Variants in COPG2 observed in about 807,000 individuals in gnomAD.
COPG2 encodes coat protein complex I subunit gamma 2.
In COPG2, 37 loss-of-function variants were observed where a neutral mutation model predicts 46.3. The observed-to-expected ratio is 0.80, with a 90% confidence interval of 0.61 to 1.05. COPG2 has a LOEUF of 1.05. COPG2 is among the 50% of genes least tolerant of loss of function. COPG2 has a pLI of 0.00. For missense variants in COPG2, 427 were observed against 387.8 expected (o/e 1.10, Z -0.85); for synonymous variants, 159 against 129.7 (o/e 1.23, Z -1.53).
intron 9 of COPG2, among the ~76,000 whole-genome samples, chr7:130,569,365 C>T (rs1057262144): frequency 5.9e-5 from 9 of 152,092 alleles, no homozygotes; most frequent in Admixed American, 1.3e-4. Context: ...AAAAAGGAAT[C>T]GGGAGATATT....
At chr7:130,621,710 CG>C (rs1245813385) in intron 5 of COPG2, among the ~76,000 whole-genome samples, 1 of 151,716 alleles carries the variant, frequency 6.6e-6, no homozygotes, top group Non-Finnish European at 1.5e-5. Context: ...TTTGGGAGGC[CG>C]AAGCGGGTGA....
At chr7:130,520,160 G>A (rs1799712851) in intron 20 of COPG2, among the ~76,000 whole-genome samples, 1 of 152,204 alleles carries the variant, frequency 6.6e-6, no homozygotes, top group Admixed American at 6.5e-5. Context: ...TATAGAGTCA[G>A]TGGGTAAATG....
At chr7:130,632,372 C>A (rs1368848684) in intron 5 of COPG2, among the ~76,000 whole-genome samples, 1 of 152,184 alleles carries the variant, frequency 6.6e-6, no homozygotes, top group Non-Finnish European at 1.5e-5. Flanking sequence ...GTGCTTTCAA[C>A]AGTTTTCCTC....
intron 12 of COPG2, among the ~76,000 whole-genome samples, chr7:130,556,223 T>A (rs1456922948): frequency 1.3e-5 from 2 of 152,190 alleles, no homozygotes; most frequent in African/African-American, 4.8e-5. Flanking sequence ...CATAAACATG[T>A]TTACTTTTTG....
intron 5 of COPG2, among the ~76,000 whole-genome samples, chr7:130,649,951 A>G (rs73724348): frequency 1.3e-5 from 2 of 152,222 alleles, no homozygotes; most frequent in African/African-American, 4.8e-5. Context: ...CAGTTATAAA[A>G]GTTAGAAGTC....
chr7:130,612,352 T>C (rs952008382), intron 7 of COPG2, 114 bp from the exon 8 acceptor site: 2 of 653,448 alleles, frequency 3.1e-6, no homozygotes, highest in South Asian at 2.1e-5. Context: ...AAGAAAACTA[T>C]GTAGCTCTTA....
intron 5 of COPG2, among the ~76,000 whole-genome samples, chr7:130,638,884 T>A (rs1554456802): frequency 6.6e-6 from 1 of 152,210 alleles, no homozygotes. Flanking sequence ...AATCTCCTGG[T>A]CTGCAGGTTT....
At chr7:130,637,807 G>C (rs369154595) in intron 5 of COPG2, among the ~76,000 whole-genome samples, 3 of 152,148 alleles carry the variant, frequency 2.0e-5, no homozygotes, top group Admixed American at 2.0e-4. Flanking sequence ...AGGCATTCTG[G>C]TTTTTGGAAT....
intron 6 of COPG2, among the ~76,000 whole-genome samples, 178 bp from the exon 7 acceptor site, chr7:130,613,814 C>T (rs1475065983): frequency 2.6e-5 from 4 of 152,062 alleles, no homozygotes; most frequent in Admixed American, 6.5e-5. Flanking sequence ...ACCCAAACAA[C>T]GAAGTTGAAG....
At chr7:130,606,577 A>G (rs1303560792) in intron 9 of COPG2, among the ~76,000 whole-genome samples, 1 of 152,242 alleles carries the variant, frequency 6.6e-6, no homozygotes, top group Non-Finnish European at 1.5e-5. Context: ...CAGAACTTGT[A>G]AACGATGAAG....
intron 6 of COPG2, among the ~76,000 whole-genome samples, chr7:130,614,264 C>G (rs1794907058): frequency 6.6e-6 from 1 of 152,120 alleles, no homozygotes; most frequent in Admixed American, 6.6e-5. Flanking sequence ...TTATTGCTAG[C>G]ACTAGCATGG....
intron 5 of COPG2, among the ~76,000 whole-genome samples, chr7:130,634,093 A>G (rs1795283840): frequency 6.6e-6 from 1 of 152,150 alleles, no homozygotes; most frequent in Admixed American, 6.5e-5. Context: ...CTGTTTTGAT[A>G]CCAGTATCAC....
chr7:130,571,821 AAAG>A (rs1430503940), intron 9 of COPG2, among the ~76,000 whole-genome samples: 2 of 150,800 alleles, frequency 1.3e-5, no homozygotes, highest in Non-Finnish European at 2.9e-5. Flanking sequence ...ATAAGTAAAT[AAAG>A]AAAATGCGCC....
intron 20 of COPG2, among the ~76,000 whole-genome samples, chr7:130,524,443 C>T (rs950665207): frequency 3.7e-4 from 57 of 152,244 alleles, no homozygotes; most frequent in Non-Finnish European, 4.7e-4. Context: ...ACTGCTGGGA[C>T]ATCAGGGGAT....
intron 4 of COPG2, among the ~76,000 whole-genome samples, chr7:130,658,896 G>C (rs1038593211): frequency 3.9e-5 from 6 of 151,952 alleles, no homozygotes; most frequent in Middle Eastern, 6.9e-3. Context: ...TGACCAGGCT[G>C]GTCTAAAACT....
At chr7:130,629,180 T>A (rs1443028341) in intron 5 of COPG2, among the ~76,000 whole-genome samples, 1 of 152,094 alleles carries the variant, frequency 6.6e-6, no homozygotes, top group African/African-American at 2.4e-5. Flanking sequence ...GTTTTGTCCT[T>A]TTTTGGGGGG....
At chr7:130,545,385 A>T (rs1793424185) in intron 20 of COPG2, among the ~76,000 whole-genome samples, 1 of 152,154 alleles carries the variant, frequency 6.6e-6, no homozygotes. Flanking sequence ...CTGCGATTAT[A>T]AGGAAAAATA....
At chr7:130,531,260 A>G (rs928409160) in intron 20 of COPG2, among the ~76,000 whole-genome samples, 1 of 151,732 alleles carries the variant, frequency 6.6e-6, no homozygotes, top group African/African-American at 2.4e-5. Context: ...TTTAACTGAT[A>G]GATTATATAT....
At chr7:130,532,562 TGAG>T (rs1457326868) in intron 20 of COPG2, among the ~76,000 whole-genome samples, 1 of 150,550 alleles carries the variant, frequency 6.6e-6, no homozygotes. Context: ...TGTGTGGATG[TGAG>T]GAGGAGGGTG....
Sources: gnomAD v4.1 joint callset for allele counts (sites outside exome capture counted in the v4.1 genomes callset) on GRCh38, gnomAD v4.1.1 for gene constraint, MANE v1.5 for transcripts, NCBI Gene and HGNC (gene_info 2026-07-23, HGNC 2026-07-21) for gene names.